CD74: variants seen among roughly 807,000 people sequenced by gnomAD.
The protein encoded by CD74 is CD74 molecule, also known as HLA class II histocompatibility antigen gamma chain.
In CD74, 20 loss-of-function variants were observed where a neutral mutation model predicts 37.1. The observed-to-expected ratio is 0.54, with a 90% CI of 0.38 to 0.78. The LOEUF is 0.78. CD74 is among the 30% of genes least tolerant of loss of function. CD74 has a pLI of 0.00. For missense variants in CD74, 338 were observed against 389.5 expected (o/e 0.87, Z 1.11); for synonymous variants, 150 against 152.0 (o/e 0.99, Z 0.10).
chr5:150,411,197 TACTA>T (rs202134272), intron 1 of CD74, among the ~76,000 whole-genome samples: 4,831 of 152,346 alleles, frequency 0.032, 120 homozygotes, highest in South Asian at 0.087. Flanking sequence ...ATAATCACAG[TACTA>T]ACTAACAGTG....
rs1770040697 is a variant in CD74 at position 150,407,398 on chromosome 5, G to A, written c.126-74C>T. On this transcript the variant is annotated intron_variant, in intron 1 of 8. Transcript: ENST00000009530. The surrounding 1 kb of genome is among the most constrained non-coding windows in gnomAD (Gnocchi z 4.4). ...TGCCCCAAGGGCTGGCTAGGAATGG[G>A]GAAATGTATACCCCCATCTCCATTA... 2.4e-6 allele frequency: 3 copies of A among 1,265,600 alleles called. No individual in the cohort carries two copies. Among genetic ancestry groups the A allele is most frequent in the Non-Finnish European group, 3.3e-6 (3 of 908,706 alleles). The allele number at this position is 1,265,600 out of a possible 1,614,324, so 78.4% of individuals were successfully genotyped here.
intron 6 of CD74, 43 bp downstream of exon 6, chr5:150,404,637 G>T (rs1769839943): frequency 7.7e-7 from 1 of 1,293,756 alleles, no homozygotes; most frequent in Non-Finnish European, 1.1e-6. Context: ...AGAGCCCCGA[G>T]GGTCCAGAAG....
rs1262751908 is a variant in CD74, at chr5:150,406,048, G to C, written c.441+211C>G. On this transcript the variant is annotated intron_variant, in intron 4 of 8. Coordinates refer to ENST00000009530, the MANE Select transcript of CD74 (RefSeq NM_001025159.3). ...GGCCTCCCAAAGTGCTGAGATTACA[G>C]GCATGAGCCACTGCACCCAGCCGAG... 3 of 485,276 alleles carry C rather than the reference G, an allele frequency of 6.2e-6. No individual in the cohort carries two copies. In the East Asian group the frequency reaches 1.1e-4, roughly 17 times the overall value. The allele number at this position is 485,276 out of a possible 1,614,324, so 30.1% of individuals were successfully genotyped here.
rs749943101 is a variant in CD74, at chr5:150,402,247, G to T, written c.884C>A (p.Pro295His). 1 of 1,598,840 alleles carries T rather than the reference G, an allele frequency of 6.3e-7. No individual in the cohort carries two copies. The highest frequency in any genetic ancestry group is 1.1e-5 in the South Asian group (1 of 88,830). ...AGACCGCCTCTGCTGCTCTCACATG[G>T]GGACTGGAGAGAGAAGCAGCAGGTT... ...GVTKQDLGPV[P>H]M Residue 295 changes from proline (P) to histidine (H), a missense_variant, in exon 9 of 9, where the codon CCC becomes CAC. By Grantham distance (77) the Pro-to-His change is moderately conservative. Transcript: ENST00000009530. The surrounding 1 kb of genome is among the most constrained non-coding windows in gnomAD (Gnocchi z 4.2).
In CD74 at chr5:150,405,065, A is replaced by C; in HGVS notation, c.537+20T>G. ...ACACCAGAGGAAAGAGAGAGTTCCC[A>C]TGCAGGGAAACCTGCTGACCTTCCA... On this transcript the variant is annotated intron_variant, in intron 5 of 8. Coordinates refer to ENST00000009530, the MANE Select transcript of CD74 (RefSeq NM_001025159.3). 6.2e-7 allele frequency: 1 copy of C among 1,602,478 alleles called. No homozygotes were observed. Among genetic ancestry groups the C allele is most frequent in the Non-Finnish European group, 8.5e-7 (1 of 1,170,382 alleles).
chr5:150,403,803 G>A lies in CD74; in HGVS notation c.626-491C>T, dbSNP rs1429688784. On this transcript the variant is annotated intron_variant, in intron 6 of 8. Coordinates refer to ENST00000009530, the MANE Select transcript of CD74 (RefSeq NM_001025159.3). This position sits in a 1 kb window ranked among gnomAD's most constrained non-coding sequence, Gnocchi z 4.5. ...GAACCCGGGAGGCTGAGGTTGCAGT[G>A]AGCTGAGATCGCACCACTGCACTCC... is the stretch of plus-strand genomic sequence containing the variant. Among the ~76,000 whole-genome samples the A allele has an allele frequency of 6.6e-6, 1 of 152,218 alleles. No homozygotes were observed. Among genetic ancestry groups the A allele is most frequent in the Non-Finnish European group, 1.5e-5 (1 of 68,034 alleles).
Position 150,401,749 on chromosome 5 carries a change from C to T in CD74, c.*491G>A, listed in dbSNP as rs1561548873. 3.4e-6 allele frequency: 2 copies of T among 596,986 alleles called. No homozygotes were observed. The highest frequency in any genetic ancestry group is 5.5e-5 in the East Asian group (2 of 36,066). 37.0% of individuals were successfully genotyped at this position (596,986 alleles called of 1,614,324 possible). A position where few individuals can be genotyped will look rare whatever the true frequency, so the allele number is the denominator to read the frequency against. The stretch of plus-strand genomic sequence containing the variant: ...GGCAGAAAGGATTATGGGTGGAAAA[C>T]ATTGGCTCTTCCTTGGGGAGTGATG... On this transcript the variant is annotated 3_prime_UTR_variant, in exon 9 of 9. Transcript: ENST00000009530.
intron 4 of CD74, 145 bp from the exon 5 acceptor site, chr5:150,405,325 A>T: frequency 3.6e-5 from 47 of 1,321,910 alleles, no homozygotes; most frequent in Middle Eastern, 2.6e-4. Context: ...TTCAGCCATG[A>T]TGGGAGGGGA....
At position 150,407,158 on chromosome 5, in the gene CD74, G is replaced by A. The variant is rs1456324932; in HGVS notation, c.292C>T (p.Pro98Ser). 2.5e-6 allele frequency: 4 copies of A among 1,613,596 alleles called. No homozygotes were observed. The East Asian group carries it at 6.7e-5, about 27-fold the overall frequency. Residue 98 changes from proline (P) to serine (S), a missense_variant, in exon 2 of 9, where the codon CCC (proline) becomes TCC (serine). By Grantham distance (74) the Pro-to-Ser change is moderately conservative. Transcript: ENST00000009530. This position sits in a 1 kb window ranked among gnomAD's most constrained non-coding sequence, Gnocchi z 4.4. Reference protein sequence around the residue: ...LQLENLRMKLPKPPKPVSKMR... With the variant: ...LQLENLRMKLSKPPKPVSKMR... ...GATGTAGGGGTGCACGCACGCTTGG[G>A]AAGCTTCATGCGCAGGTTCTCCAGC...
intron 1 of CD74, among the ~76,000 whole-genome samples, chr5:150,411,926 A>T (rs1770362484): frequency 6.6e-6 from 1 of 152,188 alleles, no homozygotes. Context: ...CTCCACTGGG[A>T]TCTTGAACAT....
At chr5:150,410,300 T>G (rs1267108548) in intron 1 of CD74, among the ~76,000 whole-genome samples, 1 of 152,106 alleles carries the variant, frequency 6.6e-6, no homozygotes, top group Non-Finnish European at 1.5e-5. Flanking sequence ...TCAGGAGGCC[T>G]AAGAACCTAG....
chr5:150,406,172 T>G, intron 4 of CD74, 87 bp downstream of exon 4: 9 of 935,070 alleles, frequency 9.6e-6, no homozygotes, highest in Non-Finnish European at 1.6e-5. Context: ...AAGTCTGCCA[T>G]GAGCCAGGTA....
chr5:150,406,108 A>G (rs1769945827), intron 4 of CD74, 151 bp downstream of exon 4: 7 of 674,512 alleles, frequency 1.0e-5, no homozygotes, highest in Non-Finnish European at 1.6e-5. Flanking sequence ...GCCAGACTAC[A>G]TATAACATTT....
At chr5:150,409,704 C>CAAAAAAAAAAAAAAAAAAA (rs755621804) in intron 1 of CD74, among the ~76,000 whole-genome samples, 1 of 89,534 alleles carries the variant, frequency 1.1e-5, no homozygotes, top group Non-Finnish European at 2.2e-5. Context: ...AAAAACATAA[C>CAAAAAAAAAAAAAAAAAAA]AAAAAAAAAA....
At chr5:150,405,346 C>G (rs80269358) in intron 4 of CD74, 166 bp from the exon 5 acceptor site, 2 of 1,354,100 alleles carry the variant, frequency 1.5e-6, no homozygotes, top group Non-Finnish European at 1.9e-6. Context: ...GGGGAGGGTA[C>G]GGGTAAGGGT....
chr5:150,403,142 G>A lies in CD74; in HGVS notation c.796C>T (p.Arg266Cys), dbSNP rs149390659. The A allele has an allele frequency of 9.3e-4, 1,503 of 1,613,904 alleles. 1 individual carries two copies. Among genetic ancestry groups the A allele is most frequent in the Non-Finnish European group, 1.2e-3 (1,409 of 1,179,836 alleles). Residue 266 changes from arginine to cysteine, a missense_variant, in exon 7 of 9, where the codon CGC (arginine) becomes TGC (cysteine). Arg to Cys is a radical substitution (Grantham distance 180). Transcript: ENST00000009530. This position sits in a 1 kb window ranked among gnomAD's most constrained non-coding sequence, Gnocchi z 4.5. ...NGTEVPNTRS[R>C]GHHNCSESLE... ...TTACCACTGCAGTTATGGTGCCCGC[G>A]GCTTCTGGTGTTGGGGACCTCCGTG...
chr5:150,405,026 T>G, intron 5 of CD74, 59 bp downstream of exon 5: 11 of 875,410 alleles, frequency 1.3e-5, no homozygotes, highest in Non-Finnish European at 2.0e-5. Context: ...CCACCTCTCC[T>G]AGCCCTGCCC....
intron 6 of CD74, 33 bp downstream of exon 6, chr5:150,404,647 G>A: frequency 7.0e-7 from 1 of 1,427,398 alleles, no homozygotes; most frequent in Non-Finnish European, 9.7e-7. Flanking sequence ...GGGTCCAGAA[G>A]CCCTGGCACG....
rs1469626491 is a variant in CD74, at chr5:150,402,302, GC to G, written c.881-53del. ...TTGGGGTCACCCATTTGTTGTCCCT[GC>G]CCCTTTCTAACATCCTGGACCTGCA... On this transcript the variant is annotated intron_variant, in intron 8 of 8. Coordinates refer to ENST00000009530, the MANE Select transcript of CD74 (RefSeq NM_001025159.3). The surrounding 1 kb of genome is among the most constrained non-coding windows in gnomAD (Gnocchi z 4.2). The G allele has an allele frequency of 2.2e-6, 3 of 1,371,982 alleles. No homozygotes were observed. The highest frequency in any genetic ancestry group is 2.8e-5 in the African/African-American group (2 of 70,390). The allele number at this position is 1,371,982 out of a possible 1,614,324, so 85.0% of individuals were successfully genotyped here.
Sources: gnomAD v4.1 joint callset for allele counts (sites outside exome capture counted in the v4.1 genomes callset) on GRCh38, gnomAD v4.1.1 for gene constraint, Gnocchi (gnomAD v3.1) non-coding constraint, MANE v1.5 for transcripts, NCBI Gene and HGNC (gene_info 2026-07-23, HGNC 2026-07-21) for gene names.